CEP112: variants seen among roughly 807,000 people sequenced by gnomAD.
The protein encoded by CEP112 is centrosomal protein 112, also known as centrosomal protein of 112 kDa.
In CEP112, 127 loss-of-function variants were observed where a neutral mutation model predicts 153.0. The observed-to-expected ratio is 0.83, with a 90% CI of 0.72 to 0.96. The LOEUF (loss-of-function observed/expected upper bound fraction) is 0.96. CEP112 is among the 40% of genes least tolerant of loss of function. The pLI is 0.00. For synonymous variants in CEP112, 358 were observed against 374.4 expected (o/e 0.96, Z 0.51); for missense variants, 1,089 against 1,101.2 (o/e 0.99, Z 0.16).
chr17:65,733,135 T>C (rs2050606161), intron 23 of CEP112, among the ~76,000 whole-genome samples: 1 of 152,212 alleles, frequency 6.6e-6, no homozygotes, highest in Non-Finnish European at 1.5e-5. Flanking sequence ...TGTAGAATTA[T>C]TAATTGACCT....
intron 16 of CEP112, among the ~76,000 whole-genome samples, chr17:66,019,573 G>A (rs2064915765): frequency 6.6e-6 from 1 of 152,178 alleles, no homozygotes; most frequent in African/African-American, 2.4e-5. Flanking sequence ...TTCTTCCAAT[G>A]TAAATAATGT....
chr17:65,798,357 T>C (rs961763557), intron 21 of CEP112, among the ~76,000 whole-genome samples: 1 of 152,212 alleles, frequency 6.6e-6, no homozygotes, highest in Non-Finnish European at 1.5e-5. Flanking sequence ...GGGGAAAGGC[T>C]AGCTGGCTGG....
At chr17:65,862,092 C>T (rs2058328738) in intron 20 of CEP112, among the ~76,000 whole-genome samples, 1 of 151,296 alleles carries the variant, frequency 6.6e-6, no homozygotes, top group Admixed American at 6.6e-5. Context: ...AGATTACCTA[C>T]AACATGCAAC....
intron 21 of CEP112, among the ~76,000 whole-genome samples, chr17:65,836,286 A>G (rs2057304985): frequency 6.6e-6 from 1 of 152,236 alleles, no homozygotes; most frequent in African/African-American, 2.4e-5. Context: ...ACTCTTTCCT[A>G]TCAATAATAA....
At chr17:66,132,179 A>AAAAAC (rs1727201632) in intron 5 of CEP112, among the ~76,000 whole-genome samples, 2 of 97,858 alleles carry the variant, frequency 2.0e-5, no homozygotes, top group Non-Finnish European at 5.0e-5. Flanking sequence ...AAAAAAAAAA[A>AAAAAC]AAAAAAAAAA....
chr17:65,818,168 T>C (rs1348605812), intron 21 of CEP112, among the ~76,000 whole-genome samples: 1 of 151,864 alleles, frequency 6.6e-6, no homozygotes, highest in East Asian at 1.9e-4. Context: ...CAGATATCAA[T>C]GTGACTTACA....
Position 66,191,464 on chromosome 17 carries a change from G to A in CEP112, c.-9+533C>T, listed in dbSNP as rs1466632475. Among the ~76,000 whole-genome samples the A allele has an allele frequency of 6.6e-6, 1 of 152,144 alleles. No individual in the cohort carries two copies. The highest frequency in any genetic ancestry group is 6.5e-5 in the Admixed American group (1 of 15,286). ...AAACACAGGGTAGCATCCTACATGC[G>A]GCGGTGCTGGGCTTGGGCCTCTCCA... On this transcript the variant is annotated intron_variant, in intron 1 of 26. Transcript: ENST00000535342. This position sits in a 1 kb window ranked among gnomAD's most constrained non-coding sequence, Gnocchi z 4.2.
chr17:65,879,930 A>T (rs1242123218), intron 20 of CEP112, among the ~76,000 whole-genome samples: 10 of 151,928 alleles, frequency 6.6e-5, no homozygotes, highest in Admixed American at 5.2e-4. Flanking sequence ...AAGACAATAA[A>T]CAACAACAAA....
At chr17:66,182,839 T>C (rs1223287025) in intron 2 of CEP112, among the ~76,000 whole-genome samples, 1 of 152,212 alleles carries the variant, frequency 6.6e-6, no homozygotes, top group Non-Finnish European at 1.5e-5. Flanking sequence ...ACTAGGCTCC[T>C]CCTGTCTCTG....
Position 65,902,198 on chromosome 17 carries a change from A to G in CEP112, c.2117T>C (p.Met706Thr). The change falls in exon 20 of 27, where the codon ATG (methionine) becomes ACG (threonine). Residue 706 changes from methionine to threonine, a missense_variant. Physicochemically the swap from Met to Thr is moderately conservative, Grantham distance 81. Coordinates refer to ENST00000535342, the MANE Select transcript of CEP112 (RefSeq NM_001199165.4). Reference protein sequence around the residue: ...NLEKQLRAANMEHENQIQEFK... With the variant: ...NLEKQLRAANTEHENQIQEFK... ...CTCCTGAATTTGATTTTCGTGCTCC[A>G]TATTGGCAGCGCGAAGCTGTTTTTC... The G allele has an allele frequency of 6.2e-7, 1 of 1,613,810 alleles. No individual in the cohort carries two copies. The highest frequency in any genetic ancestry group is 8.5e-7 in the Non-Finnish European group (1 of 1,179,916).
chr17:65,733,616 T>A (rs2145036003), intron 23 of CEP112, among the ~76,000 whole-genome samples: 1 of 152,286 alleles, frequency 6.6e-6, no homozygotes, highest in East Asian at 1.9e-4. Flanking sequence ...AAGATCTGAG[T>A]TCTCTCCCCA....
intron 20 of CEP112, among the ~76,000 whole-genome samples, chr17:65,852,391 C>T (rs1457478975): frequency 4.4e-5 from 2 of 45,814 alleles, no homozygotes; most frequent in East Asian, 9.7e-4. Context: ...CCTTCCCTCC[C>T]TCCCTTCCCT....
At chr17:66,022,055 A>G (rs973865550) in intron 16 of CEP112, among the ~76,000 whole-genome samples, 4 of 152,104 alleles carry the variant, frequency 2.6e-5, no homozygotes, top group Admixed American at 1.3e-4. Context: ...ACAATCATCA[A>G]TGCCACTGTG....
At chr17:65,950,949 G>C (rs181731262) in intron 18 of CEP112, among the ~76,000 whole-genome samples, 2 of 151,910 alleles carry the variant, frequency 1.3e-5, no homozygotes, top group African/African-American at 4.8e-5. Context: ...AATCATAAAT[G>C]GTGCTTGAAT....
chr17:66,027,652 A>T, intron 15 of CEP112, 92 bp from the exon 16 acceptor site: 1 of 946,826 alleles, frequency 1.1e-6, no homozygotes, highest in Non-Finnish European at 1.4e-6. Context: ...AATCTACTTA[A>T]TGTCAAACTT....
intron 18 of CEP112, among the ~76,000 whole-genome samples, chr17:65,950,650 A>G (rs1346243311): frequency 6.6e-6 from 1 of 151,792 alleles, no homozygotes; most frequent in African/African-American, 2.4e-5. Flanking sequence ...ATACAGGATC[A>G]TAATATCTGA....
Position 66,032,890 on chromosome 17 carries a change from G to A in CEP112, c.1219-2867C>T, listed in dbSNP as rs941771782. ...GGAATAGTCCAGAAGAAGAAGTCTC[G>A]TGGCTGGAAATCCTGAAAATGTCAT... On this transcript the variant is annotated intron_variant, in intron 12 of 26. Transcript: ENST00000535342. Among the ~76,000 whole-genome samples the A allele has an allele frequency of 7.2e-5, 11 of 152,236 alleles. No individual in the cohort carries two copies. The East Asian group carries it at 9.7e-4, about 13-fold the overall frequency.
At chr17:65,921,141 C>T (rs1309234027) in intron 19 of CEP112, among the ~76,000 whole-genome samples, 2 of 151,966 alleles carry the variant, frequency 1.3e-5, no homozygotes, top group African/African-American at 2.4e-5. Flanking sequence ...ATAAAGGTAC[C>T]AATATTCAAA....
At chr17:66,104,493 G>A (rs868304314) in intron 6 of CEP112, among the ~76,000 whole-genome samples, 3 of 152,192 alleles carry the variant, frequency 2.0e-5, no homozygotes, top group East Asian at 1.9e-4. Flanking sequence ...GTACTTGCGT[G>A]GGCCTGGGGT....
Sources: allele counts gnomAD v4.1 joint callset (sites outside exome capture counted in the v4.1 genomes callset), GRCh38; gene constraint gnomAD v4.1.1; non-coding constraint Gnocchi (gnomAD v3.1); transcripts MANE v1.5; gene names NCBI Gene and HGNC (gene_info 2026-07-23, HGNC 2026-07-21).